CACNA2D3: variants seen among roughly 807,000 people sequenced by gnomAD.
CACNA2D3 encodes calcium voltage-gated channel auxiliary subunit alpha2delta 3.
A neutral mutation model predicts 160.6 loss-of-function variants in CACNA2D3; 60 were observed. That is an observed-to-expected ratio of 0.37 (90% confidence interval 0.30 to 0.46). The LOEUF (loss-of-function observed/expected upper bound fraction) is 0.46, where lower values mean the gene tolerates loss of function less well. Ranked by LOEUF, CACNA2D3 falls within the 20% of genes least tolerant of loss-of-function variation. CACNA2D3 has a pLI of 1.00. For synonymous variants in CACNA2D3, 558 were observed against 492.9 expected (o/e 1.13, Z -1.75); for missense variants, 1,205 against 1,365.0 (o/e 0.88, Z 1.85).
chr3:54,244,769 G>T (rs1702040484), intron 2 of CACNA2D3, among the ~76,000 whole-genome samples: 2 of 152,192 alleles, frequency 1.3e-5, no homozygotes, highest in African/African-American at 2.4e-5. Context: ...TTCATTGTAA[G>T]TAATAATATA....
intron 35 of CACNA2D3, among the ~76,000 whole-genome samples, chr3:55,033,984 CTGT>C (rs1703760460): frequency 6.7e-6 from 1 of 148,568 alleles, no homozygotes. Context: ...ATTGGACTTT[CTGT>C]TGTTCCAAAA....
At chr3:54,836,134 C>T (rs1698674251) in intron 14 of CACNA2D3, among the ~76,000 whole-genome samples, 1 of 151,676 alleles carries the variant, frequency 6.6e-6, no homozygotes, top group Admixed American at 6.6e-5. Flanking sequence ...AAAGCAGGTG[C>T]AATGGTGTGT....
chr3:54,536,055 G>A (rs188001839), intron 5 of CACNA2D3, among the ~76,000 whole-genome samples: 9 of 152,334 alleles, frequency 5.9e-5, no homozygotes, highest in African/African-American at 2.2e-4. Context: ...GTTAGTGGTT[G>A]TGTTTTATGT....
intron 4 of CACNA2D3, among the ~76,000 whole-genome samples, chr3:54,403,297 A>G (rs1008262745): frequency 2.0e-5 from 3 of 151,334 alleles, no homozygotes; most frequent in Non-Finnish European, 4.4e-5. Flanking sequence ...AGAGGTTTCA[A>G]TGAGCCAAGA....
intron 6 of CACNA2D3, among the ~76,000 whole-genome samples, chr3:54,566,744 G>C (rs145420378): frequency 1.3e-5 from 2 of 152,162 alleles, no homozygotes; most frequent in Admixed American, 6.5e-5. Flanking sequence ...CCTGTAGAAG[G>C]CTTGGTAATT....
intron 4 of CACNA2D3, among the ~76,000 whole-genome samples, chr3:54,486,051 C>T (rs568195495): frequency 6.6e-6 from 1 of 152,280 alleles, no homozygotes; most frequent in African/African-American, 2.4e-5. Context: ...AGTCTCTGAA[C>T]AGAAAGACAT....
At chr3:54,856,457 A>G (rs1390465823) in intron 17 of CACNA2D3, among the ~76,000 whole-genome samples, 1 of 151,842 alleles carries the variant, frequency 6.6e-6, no homozygotes, top group African/African-American at 2.4e-5. Context: ...TTTTCCTCCC[A>G]TCTTTCCCTC....
intron 31 of CACNA2D3, among the ~76,000 whole-genome samples, chr3:54,990,415 T>C (rs1702713319): frequency 6.6e-6 from 1 of 152,040 alleles, no homozygotes; most frequent in African/African-American, 2.4e-5. Flanking sequence ...CCCATAATCC[T>C]AGCTAATTGG....
rs749324041 is a variant in CACNA2D3, at chr3:54,896,782, T to A, written c.2280T>A (p.Ile760=). 1 of 1,613,998 alleles carries A rather than the reference T, an allele frequency of 6.2e-7. No individual in the cohort carries two copies. ...DFLKAGDKEN[I]FNADHFPLWY... The stretch of plus-strand genomic sequence containing the variant: ...TGAAAGCTGGCGACAAGGAGAACAT[T>A]TTTAACGCAGACCATTTCCCTCTCT... Residue 760 remains isoleucine, a synonymous_variant, in exon 26 of 38, where the codon ATT becomes ATA. Coordinates refer to ENST00000474759, the MANE Select transcript of CACNA2D3 (RefSeq NM_018398.3).
chr3:54,462,324 T>G (rs923040328), intron 4 of CACNA2D3, among the ~76,000 whole-genome samples: 5 of 152,248 alleles, frequency 3.3e-5, no homozygotes, highest in African/African-American at 7.2e-5. Context: ...TCAATTCCTG[T>G]GTATCCTTGT....
chr3:54,803,483 A>C (rs533046387), intron 13 of CACNA2D3, among the ~76,000 whole-genome samples: 2 of 152,328 alleles, frequency 1.3e-5, no homozygotes, highest in East Asian at 3.9e-4. Flanking sequence ...AAATGAATGA[A>C]GCGAGAAGGG....
intron 4 of CACNA2D3, among the ~76,000 whole-genome samples, chr3:54,404,499 A>G (rs574215250): frequency 8.5e-5 from 13 of 152,300 alleles, no homozygotes; most frequent in African/African-American, 3.1e-4. Context: ...AATAAAGTTC[A>G]TTTATGAAAA....
chr3:54,968,622 A>G, intron 28 of CACNA2D3, 111 bp downstream of exon 28: 2 of 754,090 alleles, frequency 2.7e-6, no homozygotes, highest in Non-Finnish European at 4.6e-6. Flanking sequence ...TGTTTGTAAA[A>G]TCAACTGCCG....
chr3:54,286,397 C>T (rs563218438), intron 2 of CACNA2D3, among the ~76,000 whole-genome samples: 22 of 152,164 alleles, frequency 1.4e-4, no homozygotes, highest in South Asian at 4.2e-4. Context: ...TAAAAAGAAA[C>T]GAACAAAGCC....
chr3:55,055,805 A>G (rs982430770), intron 35 of CACNA2D3, among the ~76,000 whole-genome samples: 2 of 152,152 alleles, frequency 1.3e-5, no homozygotes, highest in African/African-American at 4.8e-5. Flanking sequence ...TGGCTATTAT[A>G]AATGGGATTG....
intron 11 of CACNA2D3, among the ~76,000 whole-genome samples, chr3:54,706,694 A>G (rs1700862903): frequency 6.6e-6 from 1 of 152,196 alleles, no homozygotes; most frequent in Non-Finnish European, 1.5e-5. Flanking sequence ...GTGAGAATCG[A>G]TGCTCTCCAG....
intron 9 of CACNA2D3, among the ~76,000 whole-genome samples, chr3:54,585,066 T>C (rs1315391801): frequency 1.3e-5 from 2 of 152,082 alleles, no homozygotes; most frequent in Non-Finnish European, 2.9e-5. Context: ...AGCTTGGAAA[T>C]TCAGAAAGGA....
chr3:54,828,596 G>T (rs926768860), intron 14 of CACNA2D3, among the ~76,000 whole-genome samples: 1 of 152,132 alleles, frequency 6.6e-6, no homozygotes, highest in Non-Finnish European at 1.5e-5. Flanking sequence ...ATTAGAAGAG[G>T]ACTGTTTTTA....
intron 3 of CACNA2D3, among the ~76,000 whole-genome samples, chr3:54,344,474 G>T (rs932296289): frequency 2.9e-4 from 44 of 152,186 alleles, no homozygotes; most frequent in Admixed American, 4.6e-4. Flanking sequence ...AAAGCAAATT[G>T]TGTTCTGGCA....
Sources: gnomAD v4.1 joint callset for allele counts (sites outside exome capture counted in the v4.1 genomes callset) on GRCh38, gnomAD v4.1.1 for gene constraint, MANE v1.5 for transcripts, NCBI Gene and HGNC (gene_info 2026-07-23, HGNC 2026-07-21) for gene names.